The following RANBP2 variants were observed in gnomAD, a reference collection of about 807,000 sequenced individuals.
RANBP2 encodes the protein RAN binding protein 2.
RANBP2 carries 57 observed loss-of-function variants against 303.6 expected under a neutral mutation model. The observed-to-expected ratio is 0.19, with a 90% confidence interval of 0.15 to 0.23. The LOEUF is 0.23. Ranked by LOEUF, RANBP2 falls within the 10% of genes least tolerant of loss-of-function variation. RANBP2 has a pLI of 1.00. For synonymous variants in RANBP2, 1,167 were observed against 1,301.5 expected (o/e 0.90, Z 2.23); for missense variants, 3,138 against 3,780.8 (o/e 0.83, Z 4.46).
At chr2:109,124,877 T>C in the RANBP2 span, among the ~76,000 whole-genome samples, 1 of 152,242 alleles carries the variant, frequency 6.6e-6, no homozygotes. Flanking sequence ...TCTGCAACTA[T>C]AGCTGCTGTT....
chr2:108,897,117 C>G, the RANBP2 span: 1 of 1,614,076 alleles, frequency 6.2e-7, no homozygotes, highest in Admixed American at 1.7e-5. Context: ...GGCCGAAGCT[C>G]TCGGCGAGGT....
the RANBP2 span, among the ~76,000 whole-genome samples, chr2:108,947,787 G>C: frequency 6.6e-6 from 1 of 152,172 alleles, no homozygotes; most frequent in Non-Finnish European, 1.5e-5. Context: ...TGGTGGGAGA[G>C]GCTGGTGTGA....
chr2:109,216,080 C>T, the RANBP2 span, among the ~76,000 whole-genome samples: 3 of 152,148 alleles, frequency 2.0e-5, no homozygotes, highest in African/African-American at 4.8e-5. Flanking sequence ...GTCTGAAGAA[C>T]GGAGCCTGTC....
the RANBP2 span, among the ~76,000 whole-genome samples, chr2:108,954,885 C>T: frequency 6.6e-6 from 1 of 151,980 alleles, no homozygotes; most frequent in South Asian, 2.1e-4. Flanking sequence ...GATTTCACCA[C>T]GTTGGCCAGG....
chr2:108,796,967 T>C, the RANBP2 span, among the ~76,000 whole-genome samples: 2 of 152,206 alleles, frequency 1.3e-5, no homozygotes, highest in African/African-American at 4.8e-5. Context: ...TAGAGAAGAA[T>C]TGTAATGTTC....
the RANBP2 span, among the ~76,000 whole-genome samples, chr2:109,680,300 C>T: frequency 6.6e-6 from 1 of 151,364 alleles, no homozygotes; most frequent in South Asian, 2.1e-4. Context: ...TTGCAGTGAG[C>T]CAAGATCACG....
At chr2:108,938,745 A>C in the RANBP2 span, among the ~76,000 whole-genome samples, 1 of 152,064 alleles carries the variant, frequency 6.6e-6, no homozygotes, top group Non-Finnish European at 1.5e-5. Context: ...TAACTAACAC[A>C]TTGCTTTAAA....
the RANBP2 span, among the ~76,000 whole-genome samples, chr2:109,296,221 C>CTATTATTAT: frequency 3.8e-4 from 58 of 151,430 alleles, no homozygotes; most frequent in African/African-American, 1.3e-3. Flanking sequence ...ACAGAATGAC[C>CTATTATTAT]TAGTATTATT....
At chr2:109,180,960 AC>A in the RANBP2 span, among the ~76,000 whole-genome samples, 1 of 152,144 alleles carries the variant, frequency 6.6e-6, no homozygotes. Flanking sequence ...CAATATGTTT[AC>A]CCTGATGCAA....
At chr2:109,613,666 C>CTGGG in the RANBP2 span, 29 of 591,428 alleles carry the variant, frequency 4.9e-5, no homozygotes, top group East Asian at 1.2e-3. Context: ...CCGGGGAGCA[C>CTGGG]TGGGCGGGCG....
At chr2:109,501,511 T>C in the RANBP2 span, 1 of 777,916 alleles carries the variant, frequency 1.3e-6, no homozygotes, top group Non-Finnish European at 2.4e-6. Context: ...AGGTACCGCG[T>C]GGTGGTCTCG....
chr2:109,272,034 A>AT, the RANBP2 span, among the ~76,000 whole-genome samples: 1 of 152,170 alleles, frequency 6.6e-6, no homozygotes, highest in Non-Finnish European at 1.5e-5. Context: ...ACTGAGTGAC[A>AT]TTGGGGTGCT....
At chr2:109,582,423 G>T in the RANBP2 span, among the ~76,000 whole-genome samples, 1 of 152,104 alleles carries the variant, frequency 6.6e-6, no homozygotes, top group Non-Finnish European at 1.5e-5. Context: ...AGGCTCAAGT[G>T]ATAGTCCCAC....
At chr2:109,469,387 A>ACTGC in the RANBP2 span, among the ~76,000 whole-genome samples, 22 of 152,148 alleles carry the variant, frequency 1.4e-4, no homozygotes, top group African/African-American at 4.8e-4. Context: ...TGGGGCCAGA[A>ACTGC]CTGCCTGCCT....
chr2:109,604,379 A>ACGGAAG, the RANBP2 span, among the ~76,000 whole-genome samples: 7 of 25,890 alleles, frequency 2.7e-4, no homozygotes, highest in Non-Finnish European at 5.0e-4. Flanking sequence ...AAAGAAGGGA[A>ACGGAAG]GGGAAGGGGA....
chr2:108,996,937 A>G, the RANBP2 span, among the ~76,000 whole-genome samples: 1 of 152,186 alleles, frequency 6.6e-6, no homozygotes. Context: ...GCTCAGGACC[A>G]GGCCCAGCAG....
At chr2:109,272,138 T>C in the RANBP2 span, among the ~76,000 whole-genome samples, 1 of 152,186 alleles carries the variant, frequency 6.6e-6, no homozygotes, top group Non-Finnish European at 1.5e-5. Context: ...GCTGGACTTA[T>C]CCCTCCCTGG....
chr2:109,371,513 A>G, the RANBP2 span: 1 of 1,292,930 alleles, frequency 7.7e-7, no homozygotes, highest in Non-Finnish European at 1.1e-6. Flanking sequence ...CACAGTACTA[A>G]CCAGTGTCTT....
chr2:109,219,595 C>T, the RANBP2 span, among the ~76,000 whole-genome samples: 2 of 152,148 alleles, frequency 1.3e-5, no homozygotes, highest in African/African-American at 2.4e-5. Context: ...TAAATGAATT[C>T]GGCAAAGTTG....
Sources: gnomAD v4.1 joint callset for allele counts (sites outside exome capture counted in the v4.1 genomes callset) on GRCh38, gnomAD v4.1.1 for gene constraint, MANE v1.5 for transcripts, NCBI Gene and HGNC (gene_info 2026-07-23, HGNC 2026-07-21) for gene names.